Variants in CCDC178 observed in about 807,000 individuals in gnomAD.
The protein encoded by CCDC178 is coiled-coil domain containing 178.
Under a neutral mutation model 117.4 loss-of-function variants are expected in CCDC178, and 126 were observed. The observed-to-expected ratio is 1.07, with a 90% CI of 0.93 to 1.24. CCDC178 has a LOEUF of 1.24. Among genes scored for constraint, CCDC178 ranks in the 50% most tolerant of loss-of-function variants. CCDC178 has a pLI of 0.00. For missense variants in CCDC178, 1,030 were observed against 986.9 expected, an observed-to-expected ratio of 1.04 and a Z score of -0.59; for synonymous variants, 283 against 313.4, an observed-to-expected ratio of 0.90 and a Z score of 1.02.
intron 21 of CCDC178, among the ~76,000 whole-genome samples, chr18:33,055,771 T>TATA (rs1226352288): frequency 6.6e-6 from 1 of 151,860 alleles, no homozygotes; most frequent in East Asian, 1.9e-4. Flanking sequence ...ATGCAACTAC[T>TATA]ATAGGGATAG....
intron 14 of CCDC178, among the ~76,000 whole-genome samples, chr18:33,265,387 T>C (rs1188293304): frequency 6.6e-6 from 1 of 152,002 alleles, no homozygotes; most frequent in East Asian, 1.9e-4. Flanking sequence ...AAATTATGAA[T>C]ATGAGAAGAG....
chr18:32,984,516 T>C lies in CCDC178; in HGVS notation c.2389-9835A>G, dbSNP rs144776610. On this transcript the variant is annotated intron_variant, in intron 21 of 22. Transcript: ENST00000383096. ...TTGGTTCTGAAATAAAATTACTGCA[T>C]TCTGGTAGATTTTGATAAAAATGTG... Among the ~76,000 whole-genome samples the C allele has an allele frequency of 5.9e-3, 899 of 152,070 alleles. 8 individuals carry two copies. The highest frequency in any genetic ancestry group is 0.021 in the African/African-American group (865 of 41,550).
At position 33,224,889 on chromosome 18, in the gene CCDC178, C is replaced by T. The variant is rs764013511; in HGVS notation, c.1704G>A (p.Glu568=). The T allele has an allele frequency of 6.4e-7, 1 of 1,560,106 alleles. No homozygotes were observed. The highest frequency in any genetic ancestry group is 8.7e-7 in the Non-Finnish European group (1 of 1,152,122). ...IYEVQALERK[E]LIKNRAICAM... ...CACATATTGCTCTATTTTTTATAAG[C>T]TCTTTCCGCTCAAGTGCCTGGACTT... Residue 568 remains glutamate (E), a synonymous_variant, in exon 17 of 23, where the codon GAG becomes GAA. Transcript: ENST00000383096.
chr18:33,333,271 G>C lies in CCDC178; in HGVS notation c.782C>G (p.Ala261Gly), dbSNP rs201594081. 6 of 1,611,264 alleles carry C rather than the reference G, an allele frequency of 3.7e-6. No individual in the cohort carries two copies. In the Admixed American group the frequency reaches 6.7e-5, roughly 18 times the overall value. The change falls in exon 10 of 23, where the codon GCA (alanine) becomes GGA (glycine). Residue 261 changes from alanine (A) to glycine (G), a missense_variant. Transcript: ENST00000383096. ...ATGTTCATTCATGTAGTCTATGTCT[G>C]CTTGAATCTTTGCATTTGCTTCTTC... ...ELEEANAKIQ[A>G]DIDYMNEHGP...
intron 11 of CCDC178, among the ~76,000 whole-genome samples, chr18:33,309,397 C>T (rs1395272919): frequency 6.6e-6 from 1 of 151,982 alleles, no homozygotes; most frequent in Non-Finnish European, 1.5e-5. Flanking sequence ...TTCAGAAGTA[C>T]TCTAGATAAA....
In CCDC178 at chr18:33,098,776, C is replaced by T. The variant is rs142296174; in HGVS notation, c.2239-5866G>A. On this transcript the variant is annotated intron_variant, in intron 20 of 22. Coordinates refer to ENST00000383096, the MANE Select transcript of CCDC178 (RefSeq NM_001105528.4). Reference sequence around the variant, plus strand: ...TTATTTAATCATTTGTTTAGCAAACCCTTGGGAAGTTTACTTTACGGATTC... The same window carrying T: ...TTATTTAATCATTTGTTTAGCAAACTCTTGGGAAGTTTACTTTACGGATTC... Among the ~76,000 whole-genome samples, 3 of 151,782 alleles carry T rather than the reference C, an allele frequency of 2.0e-5. No homozygotes were observed. The East Asian group carries it at 5.8e-4, about 29-fold the overall frequency.
At chr18:33,141,176 A>T (rs981265991) in intron 20 of CCDC178, among the ~76,000 whole-genome samples, 1 of 152,160 alleles carries the variant, frequency 6.6e-6, no homozygotes, top group Non-Finnish European at 1.5e-5. Flanking sequence ...CAGCAGCATG[A>T]AAACAGACTA....
chr18:33,325,663 ATATTT>A (rs1483479622), intron 10 of CCDC178, among the ~76,000 whole-genome samples: 11 of 152,230 alleles, frequency 7.2e-5, no homozygotes, highest in Non-Finnish European at 1.6e-4. Context: ...CAATAATTTG[ATATTT>A]TATTTTTGAG....
At chr18:33,389,018 G>A (rs1015134866) in intron 5 of CCDC178, among the ~76,000 whole-genome samples, 3 of 152,052 alleles carry the variant, frequency 2.0e-5, no homozygotes, top group Non-Finnish European at 4.4e-5. Context: ...AAGCCTTAGG[G>A]AAAAGAGCTA....
At chr18:33,091,851 A>T (rs2057472231) in intron 21 of CCDC178, among the ~76,000 whole-genome samples, 1 of 152,174 alleles carries the variant, frequency 6.6e-6, no homozygotes, top group Admixed American at 6.5e-5. Flanking sequence ...CTGTGAGGTA[A>T]ATCTTATTTT....
intron 21 of CCDC178, among the ~76,000 whole-genome samples, chr18:33,076,974 G>T (rs1221827495): frequency 6.6e-6 from 1 of 152,078 alleles, no homozygotes; most frequent in African/African-American, 2.4e-5. Flanking sequence ...AGTGGGAGAG[G>T]TACTTATCTG....
intron 11 of CCDC178, among the ~76,000 whole-genome samples, chr18:33,305,224 C>T (rs2062232757): frequency 6.6e-6 from 1 of 152,158 alleles, no homozygotes; most frequent in Admixed American, 6.5e-5. Context: ...TTTACAACCG[C>T]ATCTGCCAGC....
intron 7 of CCDC178, among the ~76,000 whole-genome samples, chr18:33,353,356 C>T (rs1242116392): frequency 1.3e-5 from 2 of 151,962 alleles, no homozygotes; most frequent in Non-Finnish European, 2.9e-5. Context: ...ATCCATTCTA[C>T]CATGCTCTAC....
intron 15 of CCDC178, 123 bp from the exon 16 acceptor site, chr18:33,226,978 T>C (rs141065788): frequency 2.8e-6 from 1 of 357,852 alleles, no homozygotes; most frequent in East Asian, 4.4e-5. Flanking sequence ...ATATTAATTA[T>C]AATTTATTAT....
chr18:33,428,366 T>C (rs778306543), intron 2 of CCDC178, among the ~76,000 whole-genome samples: 10 of 152,156 alleles, frequency 6.6e-5, no homozygotes, highest in Non-Finnish European at 8.8e-5. Flanking sequence ...AGCAGCCTAC[T>C]GGCCCTATTT....
chr18:33,134,290 G>A (rs2058100695), intron 20 of CCDC178, among the ~76,000 whole-genome samples: 1 of 151,920 alleles, frequency 6.6e-6, no homozygotes, highest in Non-Finnish European at 1.5e-5. Context: ...AATGTTCATA[G>A]TTGGGGGTTA....
intron 11 of CCDC178, among the ~76,000 whole-genome samples, chr18:33,322,910 TAA>T (rs2062532455): frequency 6.6e-6 from 1 of 151,194 alleles, no homozygotes; most frequent in South Asian, 2.1e-4. Context: ...TTTTAATAAA[TAA>T]AAATGCTATT....
At chr18:33,072,436 G>A (rs2057125762) in intron 21 of CCDC178, among the ~76,000 whole-genome samples, 1 of 152,102 alleles carries the variant, frequency 6.6e-6, no homozygotes, top group Non-Finnish European at 1.5e-5. Context: ...TAGCCACTAT[G>A]TTAGGCTATC....
chr18:33,369,764 T>G (rs2063270910), intron 6 of CCDC178, among the ~76,000 whole-genome samples: 1 of 151,982 alleles, frequency 6.6e-6, no homozygotes, highest in Non-Finnish European at 1.5e-5. Flanking sequence ...CTTAATTTAC[T>G]AGTGAAGTTG....
Sources: gnomAD v4.1 joint callset for allele counts (sites outside exome capture counted in the v4.1 genomes callset) on GRCh38, gnomAD v4.1.1 for gene constraint, MANE v1.5 for transcripts, NCBI Gene and HGNC (gene_info 2026-07-23, HGNC 2026-07-21) for gene names.